Variants in CACNB2 observed in about 807,000 individuals in gnomAD.
The protein encoded by CACNB2 is voltage-dependent L-type calcium channel subunit beta-2.
Under a neutral mutation model 73.3 loss-of-function variants are expected in CACNB2, and 42 were observed. The ratio of observed to expected loss-of-function variants is 0.57; its 90% CI spans 0.45 to 0.74. CACNB2 has a LOEUF of 0.74. Ranked by LOEUF, CACNB2 falls within the 30% of genes least tolerant of loss-of-function variation. The pLI, the probability that CACNB2 is intolerant of heterozygous loss-of-function variation, is 0.00. For missense variants in CACNB2, 940 were observed against 853.0 expected, an observed-to-expected ratio of 1.10 and a Z score of -1.27; for synonymous variants, 348 against 310.3, an observed-to-expected ratio of 1.12 and a Z score of -1.28.
intron 2 of CACNB2, among the ~76,000 whole-genome samples, chr10:18,352,113 A>G (rs572051133): frequency 3.3e-5 from 5 of 152,358 alleles, no homozygotes; most frequent in Admixed American, 6.5e-5. Context: ...ACCTAAAAGT[A>G]CAACTTAAAA....
Position 18,386,399 on chromosome 10 carries a change from A to ATTTTTTT in CACNB2, c.214-15510_214-15504dup, listed in dbSNP as rs10637329. Among the ~76,000 whole-genome samples the ATTTTTTT allele has an allele frequency of 5.4e-4, 57 of 106,516 alleles. 1 individual carries two copies. Among genetic ancestry groups the ATTTTTTT allele is most frequent in the Admixed American group, 8.1e-4 (7 of 8,630 alleles). The allele number at this position is 106,516 out of a possible 152,430, so 69.9% of individuals were successfully genotyped here. ...CTTTACTGTTGCTCTTTTATTTATGATTTTTTTTTTTTTTTTTTTTTGAGA... is the reference window on the plus strand; with the variant it reads ...CTTTACTGTTGCTCTTTTATTTATGATTTTTTTTTTTTTTTTTTTTTTTTTTTTGAGA... On this transcript the variant is annotated intron_variant, in intron 2 of 13. Coordinates refer to ENST00000324631, the MANE Select transcript of CACNB2 (RefSeq NM_201596.3).
intron 2 of CACNB2, among the ~76,000 whole-genome samples, chr10:18,363,987 G>C (rs1478149990): frequency 7.2e-6 from 1 of 138,078 alleles, no homozygotes; most frequent in Non-Finnish European, 1.5e-5. Flanking sequence ...TTTGCTCGTT[G>C]CCTAGGCTGG....
At chr10:18,411,032 G>T (rs539258715) in intron 3 of CACNB2, among the ~76,000 whole-genome samples, 17 of 152,104 alleles carry the variant, frequency 1.1e-4, no homozygotes, top group African/African-American at 3.6e-4. Context: ...TATGAAAAAC[G>T]CAAGCACAAA....
rs1285705566 is a variant in CACNB2 at position 18,359,115 on chromosome 10, T to G, written c.214-42809T>G. Among the ~76,000 whole-genome samples, 3 of 150,764 alleles carry G rather than the reference T, an allele frequency of 2.0e-5. No individual in the cohort carries two copies. In the East Asian group the frequency reaches 5.8e-4, roughly 29 times the overall value. Reference sequence around the variant, plus strand: ...ACTGAAATACTGATAGCCATTTTCTTTTTTTTTTAACTTCTACGTTATTTA... The same window carrying G: ...ACTGAAATACTGATAGCCATTTTCTGTTTTTTTTAACTTCTACGTTATTTA... On this transcript the variant is annotated intron_variant, in intron 2 of 13. Transcript: ENST00000324631.
In CACNB2 at chr10:18,237,868, G is replaced by A. The variant is rs1488430027; in HGVS notation, c.213+86893G>A. ...TGGAATGATGGTAGAAAGGTAGGCAGGAATTAGCCCAGACAGGGGATCTTT... is the reference window on the plus strand; with the variant it reads ...TGGAATGATGGTAGAAAGGTAGGCAAGAATTAGCCCAGACAGGGGATCTTT... On this transcript the variant is annotated intron_variant, in intron 2 of 13. Coordinates refer to ENST00000324631, the MANE Select transcript of CACNB2 (RefSeq NM_201596.3). Among the ~76,000 whole-genome samples the A allele has an allele frequency of 2.6e-5, 4 of 152,226 alleles. No homozygotes were observed. The East Asian group carries it at 5.8e-4, about 22-fold the overall frequency.
intron 2 of CACNB2, among the ~76,000 whole-genome samples, chr10:18,196,991 C>T (rs1443378133): frequency 2.6e-5 from 4 of 151,960 alleles, no homozygotes; most frequent in African/African-American, 4.8e-5. Context: ...CTCTCCTCCC[C>T]TCTCCTCCCC....
At chr10:18,289,736 G>T (rs2038981257) in intron 2 of CACNB2, among the ~76,000 whole-genome samples, 1 of 152,110 alleles carries the variant, frequency 6.6e-6, no homozygotes. Flanking sequence ...AGCCCCTGCT[G>T]ATAGCACTGA....
chr10:18,189,303 A>G (rs1012881670), intron 2 of CACNB2, among the ~76,000 whole-genome samples: 3 of 152,220 alleles, frequency 2.0e-5, no homozygotes, highest in Non-Finnish European at 2.9e-5. Flanking sequence ...TTAATGAGTA[A>G]TTCATATCAA....
At chr10:18,366,185 G>C (rs1451814714) in intron 2 of CACNB2, among the ~76,000 whole-genome samples, 1 of 152,148 alleles carries the variant, frequency 6.6e-6, no homozygotes, top group Non-Finnish European at 1.5e-5. Context: ...TGAAATTCTC[G>C]CTGAGGGCGG....
chr10:18,455,159 G>T (rs1036532271), intron 3 of CACNB2, among the ~76,000 whole-genome samples: 3 of 152,078 alleles, frequency 2.0e-5, no homozygotes, highest in Non-Finnish European at 4.4e-5. Context: ...GCATTAAAAG[G>T]TGCATCAGAG....
intron 2 of CACNB2, among the ~76,000 whole-genome samples, chr10:18,392,963 C>T (rs866082118): frequency 6.6e-6 from 1 of 152,160 alleles, no homozygotes; most frequent in African/African-American, 2.4e-5. Flanking sequence ...AATCCCAGCA[C>T]TTTGGGAGGC....
chr10:18,222,553 A>C (rs184841796), intron 2 of CACNB2, among the ~76,000 whole-genome samples: 1 of 152,294 alleles, frequency 6.6e-6, no homozygotes, highest in African/African-American at 2.4e-5. Context: ...GTTCTATTTA[A>C]GTAGTACCGA....
chr10:18,287,602 G>A (rs866242234), intron 2 of CACNB2, among the ~76,000 whole-genome samples: 2 of 152,180 alleles, frequency 1.3e-5, no homozygotes, highest in Non-Finnish European at 2.9e-5. Context: ...TGTAATCCCA[G>A]CACTTTGGGA....
intron 2 of CACNB2, among the ~76,000 whole-genome samples, chr10:18,379,180 G>C (rs988812405): frequency 6.6e-6 from 1 of 152,020 alleles, no homozygotes; most frequent in Non-Finnish European, 1.5e-5. Flanking sequence ...TATAAAATTT[G>C]CCATTTTAAC....
intron 2 of CACNB2, among the ~76,000 whole-genome samples, chr10:18,326,967 G>A (rs559756951): frequency 1.3e-3 from 204 of 152,234 alleles, no homozygotes; most frequent in Middle Eastern, 0.01. Context: ...GGACTCAAGT[G>A]ATCCGCCCAC....
At chr10:18,203,937 A>G (rs1025157961) in intron 2 of CACNB2, among the ~76,000 whole-genome samples, 1 of 152,242 alleles carries the variant, frequency 6.6e-6, no homozygotes, top group Non-Finnish European at 1.5e-5. Flanking sequence ...AAGTTTCAGT[A>G]GGAAAATACA....
intron 9 of CACNB2, among the ~76,000 whole-genome samples, chr10:18,525,043 A>AAAC (rs1408365085): frequency 6.6e-6 from 1 of 151,348 alleles, no homozygotes; most frequent in Non-Finnish European, 1.5e-5. Flanking sequence ...AAAAAAAAAA[A>AAAC]AAAAAACACA....
chr10:18,283,030 CA>C (rs1283950328), intron 2 of CACNB2, among the ~76,000 whole-genome samples: 2 of 152,150 alleles, frequency 1.3e-5, no homozygotes, highest in African/African-American at 4.8e-5. Context: ...AGACACTTCT[CA>C]AAAGAAGACA....
At chr10:18,231,824 T>C (rs559476505) in intron 2 of CACNB2, among the ~76,000 whole-genome samples, 16 of 152,338 alleles carry the variant, frequency 1.1e-4, no homozygotes, top group Admixed American at 9.1e-4. Context: ...ACTGTGTATG[T>C]CTCAAAGTAG....
Sources: allele counts gnomAD v4.1 joint callset (sites outside exome capture counted in the v4.1 genomes callset), GRCh38; gene constraint gnomAD v4.1.1; transcripts MANE v1.5; gene names NCBI Gene and HGNC (gene_info 2026-07-23, HGNC 2026-07-21).